LRBA: variants seen among roughly 807,000 people sequenced by gnomAD.
LRBA encodes the protein lipopolysaccharide-responsive and beige-like anchor protein.
A neutral mutation model predicts 330.0 loss-of-function variants in LRBA; 176 were observed. That is an observed-to-expected ratio of 0.53 (90% CI 0.47 to 0.60). The LOEUF (loss-of-function observed/expected upper bound fraction) is 0.60. LRBA is among the 20% of genes least tolerant of loss of function. The pLI, the probability that LRBA is intolerant of heterozygous loss-of-function variation, is 0.00. For missense variants in LRBA, 3,259 were observed against 3,444.8 expected (o/e 0.95, Z 1.35); for synonymous variants, 1,230 against 1,193.0 (o/e 1.03, Z -0.64).
chr4:150,606,313 C>A (rs935223595), intron 37 of LRBA, among the ~76,000 whole-genome samples: 5 of 151,944 alleles, frequency 3.3e-5, no homozygotes, highest in African/African-American at 4.8e-5. Context: ...GGAAAAAAAA[C>A]CATTAAAATG....
At chr4:150,884,734 A>T (rs1377385689) in intron 17 of LRBA, among the ~76,000 whole-genome samples, 2 of 152,212 alleles carry the variant, frequency 1.3e-5, no homozygotes, top group Admixed American at 1.3e-4. Context: ...AAACAAAAAA[A>T]GTCTAGAGTT....
intron 37 of LRBA, among the ~76,000 whole-genome samples, chr4:150,653,404 A>C (rs1779891390): frequency 6.6e-6 from 1 of 152,180 alleles, no homozygotes; most frequent in Non-Finnish European, 1.5e-5. Flanking sequence ...TCATTCTTTT[A>C]CTTTTAGACT....
chr4:150,961,348 T>C (rs1738125323), intron 2 of LRBA, among the ~76,000 whole-genome samples: 1 of 149,198 alleles, frequency 6.7e-6, no homozygotes, highest in Non-Finnish European at 1.5e-5. Context: ...CAAGAGATCT[T>C]AAAATGCTAT....
chr4:150,880,245 G>C (rs1036584212), intron 17 of LRBA, among the ~76,000 whole-genome samples: 2 of 152,180 alleles, frequency 1.3e-5, no homozygotes, highest in African/African-American at 4.8e-5. Flanking sequence ...ACTTGGCCAA[G>C]TGTGGTGGTT....
At chr4:150,376,139 T>C (rs1017790281) in intron 47 of LRBA, among the ~76,000 whole-genome samples, 3 of 152,182 alleles carry the variant, frequency 2.0e-5, no homozygotes, top group Non-Finnish European at 4.4e-5. Flanking sequence ...TATTGCTGAG[T>C]TCCAGTTGAT....
intron 42 of LRBA, among the ~76,000 whole-genome samples, chr4:150,485,196 T>A (rs1581447978): frequency 1.3e-5 from 2 of 152,116 alleles, no homozygotes; most frequent in South Asian, 2.1e-4. Context: ...CTACCTGTTC[T>A]CTAAATTACT....
At chr4:150,615,040 G>A (rs1398751207) in intron 37 of LRBA, among the ~76,000 whole-genome samples, 1 of 152,208 alleles carries the variant, frequency 6.6e-6, no homozygotes, top group African/African-American at 2.4e-5. Flanking sequence ...CAACCTTTGA[G>A]CAAAGACTTG....
At chr4:150,273,053 G>A (rs1263964088) in intron 56 of LRBA, among the ~76,000 whole-genome samples, 2 of 152,134 alleles carry the variant, frequency 1.3e-5, no homozygotes, top group Non-Finnish European at 2.9e-5. Flanking sequence ...GTTAAGGGCA[G>A]CCAGAAAGAA....
At chr4:150,964,426 G>A (rs963782432) in intron 2 of LRBA, among the ~76,000 whole-genome samples, 4 of 149,724 alleles carry the variant, frequency 2.7e-5, no homozygotes, top group Admixed American at 2.6e-4. Flanking sequence ...GATTGTTATT[G>A]TGTCTGTGTG....
chr4:150,445,344 CCTCTCTCTCTCTCTCT>C (rs1317931739), intron 44 of LRBA, among the ~76,000 whole-genome samples: 2 of 59,230 alleles, frequency 3.4e-5, no homozygotes, highest in Non-Finnish European at 6.2e-5. Flanking sequence ...TTTCGGAAAA[CCTCTCTCTCTCTCTCT>C]CTCTCTCTCT....
chr4:150,639,791 GTATATATATATA>G (rs1159678626), intron 37 of LRBA, among the ~76,000 whole-genome samples: 5 of 5,650 alleles, frequency 8.8e-4, no homozygotes, highest in Non-Finnish European at 3.0e-3. Context: ...ATGTGTGTGT[GTATATATATATA>G]TATGTGTGTG....
At chr4:150,496,507 T>A (rs1167421635) in intron 40 of LRBA, among the ~76,000 whole-genome samples, 1 of 152,154 alleles carries the variant, frequency 6.6e-6, no homozygotes, top group African/African-American at 2.4e-5. Context: ...AAAACTATCC[T>A]TGATACATTT....
intron 37 of LRBA, among the ~76,000 whole-genome samples, chr4:150,648,166 A>AAAAAAAAAAAAAAAAAAAAACAAC (rs1561468366): frequency 7.0e-6 from 1 of 142,570 alleles, no homozygotes; most frequent in African/African-American, 2.5e-5. Context: ...AGCAAAAAAA[A>AAAAAAAAAAAAAAAAAAAAACAAC]AAAAAAAAAA....
At position 150,639,463 on chromosome 4, in the gene LRBA, C is replaced by A. The variant is rs546835187; in HGVS notation, c.5922-40332G>T. On this transcript the variant is annotated intron_variant, in intron 37 of 56. Coordinates refer to ENST00000651943, the MANE Select transcript of LRBA (RefSeq NM_001364905.1). Reference sequence around the variant, plus strand: ...AATCTATCTAAAAATAATGCACTTTCTACCCCACCCGTGGTACTCAACAGA... The same window carrying A: ...AATCTATCTAAAAATAATGCACTTTATACCCCACCCGTGGTACTCAACAGA... Among the ~76,000 whole-genome samples the A allele has an allele frequency of 5.4e-5, 8 of 147,588 alleles. No individual in the cohort carries two copies. The South Asian group carries it at 1.3e-3, about 24-fold the overall frequency.
intron 53 of LRBA, among the ~76,000 whole-genome samples, chr4:150,301,452 G>C (rs927134724): frequency 6.6e-6 from 1 of 151,872 alleles, no homozygotes; most frequent in African/African-American, 2.4e-5. Flanking sequence ...GATTAAAACA[G>C]GAAATATCTA....
chr4:150,639,815 GTGTGTATATATA>G (rs1778436781), intron 37 of LRBA, among the ~76,000 whole-genome samples: 8 of 4,890 alleles, frequency 1.6e-3, no homozygotes, highest in African/African-American at 3.3e-3. Context: ...ATGTGTGTGT[GTGTGTATATATA>G]TATATATATA....
chr4:150,368,920 T>G (rs1054242966), intron 47 of LRBA, among the ~76,000 whole-genome samples: 1 of 152,198 alleles, frequency 6.6e-6, no homozygotes, highest in Non-Finnish European at 1.5e-5. Flanking sequence ...GAAAACAGAT[T>G]AAACTGTTTG....
intron 30 of LRBA, among the ~76,000 whole-genome samples, chr4:150,821,786 G>A (rs952655986): frequency 2.0e-5 from 3 of 152,162 alleles, no homozygotes; most frequent in South Asian, 2.1e-4. Context: ...CTAATCATCA[G>A]AGAGGATCTT....
chr4:150,669,876 C>T (rs1430287600), intron 37 of LRBA, among the ~76,000 whole-genome samples: 1 of 152,060 alleles, frequency 6.6e-6, no homozygotes, highest in African/African-American at 2.4e-5. Context: ...AATATTTTCA[C>T]TTAATTAAAT....
Sources: gnomAD v4.1 joint callset for allele counts (sites outside exome capture counted in the v4.1 genomes callset) on GRCh38, gnomAD v4.1.1 for gene constraint, MANE v1.5 for transcripts, NCBI Gene and HGNC (gene_info 2026-07-23, HGNC 2026-07-21) for gene names.